Variants in FASN observed in about 807,000 individuals in gnomAD.
FASN encodes the protein 3-hydroxyacyl-[acyl-carrier-protein] dehydratase.
Under a neutral mutation model 250.0 loss-of-function variants are expected in FASN, and 50 were observed. The observed-to-expected ratio is 0.20, with a 90% CI of 0.16 to 0.25. The LOEUF (loss-of-function observed/expected upper bound fraction) is 0.25, where lower values mean the gene tolerates loss of function less well. FASN is among the 10% of genes least tolerant of loss of function. The pLI is 1.00. For synonymous variants in FASN, 1,909 were observed against 1,584.0 expected, an observed-to-expected ratio of 1.21 and a Z score of -4.87; for missense variants, 3,031 against 3,498.5, an observed-to-expected ratio of 0.87 and a Z score of 3.37.
chr17:82,091,626 T>C lies in FASN; in HGVS notation c.1088A>G (p.Asn363Ser), dbSNP rs1598582443. The change falls in exon 9 of 43, where the codon AAC becomes AGC. Residue 363 changes from asparagine (N) to serine (S), a missense_variant. Transcript: ENST00000306749. ...ATCCAACAGCGCTGGGATCTCAGGG[T>C]TGGGGCTATGGAAGTGCAGGTTGGG... is the stretch of plus-strand genomic sequence containing the variant. ...WAPNLHFHSP[N>S]PEIPALLDGR... 2 of 1,596,730 alleles carry C rather than the reference T, an allele frequency of 1.3e-6. No individual in the cohort carries two copies. The highest frequency in any genetic ancestry group is 8.5e-7 in the Non-Finnish European group (1 of 1,173,518).
In FASN at chr17:82,087,175, G is replaced by C; in HGVS notation, c.3302C>G (p.Ser1101Trp). 1.2e-6 allele frequency: 2 copies of C among 1,608,974 alleles called. No homozygotes were observed. The highest frequency in any genetic ancestry group is 2.2e-5 in the South Asian group (2 of 90,410). The change falls in exon 21 of 43, where the codon TCG becomes TGG. Residue 1101 changes from serine (S) to tryptophan (W), a missense_variant. Coordinates refer to ENST00000306749, the MANE Select transcript of FASN (RefSeq NM_004104.5). The part of the protein sequence containing the change: ...GVHISGLHTE[S>W]APRRQQEQQV... The stretch of plus-strand genomic sequence containing the variant: ...CTGCTCCTGCTGCCGCCGCGGGGCC[G>C]ACTCAGTGTGGAGCCCGGAGATGTG...
chr17:82,088,543 C>T lies in FASN; in HGVS notation c.2440G>A (p.Ala814Thr). The change falls in exon 16 of 43, where the codon GCC (alanine) becomes ACC (threonine). Residue 814 changes from alanine (A) to threonine (T), a missense_variant. By Grantham distance (58) the Ala-to-Thr change is moderately conservative. Transcript: ENST00000306749. ...GGGAACTCCACAGGTGGGAACAAGG[C>T]ATTGGGGTTGGCGTCGATGCTACGG... ...HLSGIDANPN[A>T]LFPPVEFPAP... The T allele has an allele frequency of 1.2e-6, 2 of 1,606,464 alleles. No individual in the cohort carries two copies. The highest frequency in any genetic ancestry group is 1.7e-6 in the Non-Finnish European group (2 of 1,175,626).
At chr17:82,084,476 G>C in intron 27 of FASN, 37 bp downstream of exon 27, 1 of 1,590,380 alleles carries the variant, frequency 6.3e-7, no homozygotes, top group Admixed American at 1.8e-5. Flanking sequence ...TCTGCTCCCC[G>C]GCCCAGTCCA....
rs756297486 is a variant in FASN, at chr17:82,092,731, A to G, written c.860T>C (p.Phe287Ser). Residue 287 changes from phenylalanine to serine, a missense_variant, in exon 7 of 43, where the codon TTT becomes TCT. Phe to Ser is a radical substitution (Grantham distance 155). Coordinates refer to ENST00000306749, the MANE Select transcript of FASN (RefSeq NM_004104.5). Reference protein sequence around the residue: ...YQSAGVAPESFEYIEAHGTGT... With the variant: ...YQSAGVAPESSEYIEAHGTGT... Reference sequence around the variant, plus strand: ...TGTGCCGTGGGCTTCGATGTATTCAAATGACTCAGGGGCCACTCCGGCCGA... The same window carrying G: ...TGTGCCGTGGGCTTCGATGTATTCAGATGACTCAGGGGCCACTCCGGCCGA... 6.2e-7 allele frequency: 1 copy of G among 1,602,832 alleles called. No homozygotes were observed. Among genetic ancestry groups the G allele is most frequent in the Non-Finnish European group, 8.5e-7 (1 of 1,176,872 alleles).
chr17:82,087,079 G>A lies in FASN; in HGVS notation c.3398C>T (p.Ala1133Val). The A allele has an allele frequency of 6.2e-7, 1 of 1,611,496 alleles. No homozygotes were observed. The highest frequency in any genetic ancestry group is 2.2e-5 in the East Asian group (1 of 44,876). ...TEEGCLSERA[A>V]LQEELQLCKG... ...GCACAGTTGCAGCTCCTCCTGCAGG[G>A]CAGCGCGCTCAGACAGGCACCCCTC... The change falls in exon 21 of 43, where the codon GCC (alanine) becomes GTC (valine). Residue 1133 changes from alanine (A) to valine (V), a missense_variant. Coordinates refer to ENST00000306749, the MANE Select transcript of FASN (RefSeq NM_004104.5).
At chr17:82,090,819 G>A in intron 10 of FASN, 63 bp downstream of exon 10, 1 of 1,530,524 alleles carries the variant, frequency 6.5e-7, no homozygotes, top group Non-Finnish European at 8.8e-7. Context: ...CAGCTCCTGG[G>A]CTCCAGGGAA....
At position 82,090,559 on chromosome 17, in the gene FASN, G is replaced by T; in HGVS notation, c.1686C>A (p.Gly562=). 1.9e-6 allele frequency: 3 copies of T among 1,610,548 alleles called. No homozygotes were observed. Among genetic ancestry groups the T allele is most frequent in the Non-Finnish European group, 1.7e-6 (2 of 1,178,870 alleles). The change falls in exon 11 of 43, where the codon GGC becomes GGA. Residue 562 remains glycine, a synonymous_variant. Transcript: ENST00000306749. ...SFVSLTAIQI[G]LIDLLSCMGL... is the part of the protein sequence containing the mutation. ...CCATGCAGCTCAGCAGGTCTATGAG[G>T]CCTATCTGGGGTGGGAACAGGACAC...
chr17:82,097,552 T>A (rs2034325845), intron 1 of FASN: 1 of 152,248 alleles, frequency 6.6e-6, no homozygotes, highest in South Asian at 2.1e-4. Flanking sequence ...CGCTGGGTCC[T>A]CGCCGCTTGC....
At chr17:82,082,484 G>A (rs1455254606) in intron 34 of FASN, 43 bp downstream of exon 34, 1 of 1,610,924 alleles carries the variant, frequency 6.2e-7, no homozygotes, top group African/African-American at 1.3e-5. Context: ...TCCCCCCCTT[G>A]GTCTTGGGGC....
chr17:82,079,518 G>GC lies in FASN; in HGVS notation c.7236_7237insG (p.Arg2413AlafsTer19), dbSNP rs2033950319. The GC allele has an allele frequency of 1.9e-6, 3 of 1,611,750 alleles. No homozygotes were observed. The highest frequency in any genetic ancestry group is 2.5e-6 in the Non-Finnish European group (3 of 1,179,976). ...CGGGCCGCAAAGCTCAGCTCCTGGC[G>GC]GTCCAGGCCCTGGTGGCTCTTGATG... On this transcript the variant is annotated frameshift_variant, in exon 42 of 43. Coordinates refer to ENST00000306749, the MANE Select transcript of FASN (RefSeq NM_004104.5). LOFTEE classifies it high-confidence loss of function.
At position 82,081,697 on chromosome 17, in the gene FASN, T is replaced by C. The variant is rs1356589443; in HGVS notation, c.6310A>G (p.Met2104Val). 25 of 1,612,714 alleles carry C rather than the reference T, an allele frequency of 1.6e-5. No individual in the cohort carries two copies. The highest frequency in any genetic ancestry group is 2.2e-5 in the South Asian group (2 of 91,076). Residue 2104 changes from methionine to valine, a missense_variant, in exon 37 of 43, where the codon ATG (methionine) becomes GTG (valine). Coordinates refer to ENST00000306749, the MANE Select transcript of FASN (RefSeq NM_004104.5). ...GCCAGCACAAAGCTGCTCAGGACCA[T>C]GTGGGGCTGGTTCAGGAAGAGGTCC... ...VLDLFLNQPH[M>V]VLSSFVLAEK...
chr17:82,083,727 CGGAGGCTAGGCA>C (rs2034034000), intron 30 of FASN, 33 bp downstream of exon 30: 1 of 1,609,478 alleles, frequency 6.2e-7, no homozygotes. Context: ...CTCCCTGGGC[CGGAGGCTAGGCA>C]GGAGGCAGGT....
chr17:82,084,162 G>C lies in FASN; in HGVS notation c.4920-9C>G. On this transcript the variant is annotated splice_polypyrimidine_tract_variant and intron_variant, in intron 28 of 42. Coordinates refer to ENST00000306749, the MANE Select transcript of FASN (RefSeq NM_004104.5). ...CCGCCTCCTCCAGCGTCCTGGGGATGCAGCAGGTGGGTCAGCACAGGCCTG... is the reference window on the plus strand; with the variant it reads ...CCGCCTCCTCCAGCGTCCTGGGGATCCAGCAGGTGGGTCAGCACAGGCCTG... 1 of 1,603,206 alleles carries C rather than the reference G, an allele frequency of 6.2e-7. No homozygotes were observed.
At position 82,083,999 on chromosome 17, in the gene FASN, C is replaced by T; in HGVS notation, c.5074G>A (p.Gly1692Ser). ...QAAIAIALSLGCRVFTTVGSA... is the reference protein window; with the variant it reads ...QAAIAIALSLSCRVFTTVGSA... Reference sequence around the variant, plus strand: ...CCCACGGTGGTGAAGACGCGGCAGCCCAGACTGAGGGCGATGGCGATGGCG... The same window carrying T: ...CCCACGGTGGTGAAGACGCGGCAGCTCAGACTGAGGGCGATGGCGATGGCG... The change falls in exon 29 of 43, where the codon GGC (glycine) becomes AGC (serine). Residue 1692 changes from glycine (G) to serine (S), a missense_variant. Physicochemically the swap from Gly to Ser is moderately conservative, Grantham distance 56 (BLOSUM62 0). Transcript: ENST00000306749. The T allele has an allele frequency of 1.9e-6, 3 of 1,539,290 alleles. No individual in the cohort carries two copies. The highest frequency in any genetic ancestry group is 2.6e-6 in the Non-Finnish European group (3 of 1,145,458).
In FASN at chr17:82,083,133, C is replaced by A; in HGVS notation, c.5566-18G>T. On this transcript the variant is annotated intron_variant, in intron 32 of 42. Transcript: ENST00000306749. ...GCAAGCACCTGCGTCCAAGCAGCACCCACCGGCTCAGGCACTGCCTGGGGA... is the reference window on the plus strand; with the variant it reads ...GCAAGCACCTGCGTCCAAGCAGCACACACCGGCTCAGGCACTGCCTGGGGA... 6.2e-7 allele frequency: 1 copy of A among 1,610,350 alleles called. No homozygotes were observed. The highest frequency in any genetic ancestry group is 8.5e-7 in the Non-Finnish European group (1 of 1,179,944).
Position 82,091,619 on chromosome 17 carries a change from C to T in FASN, c.1095G>A (p.Glu365=), listed in dbSNP as rs1170778956. Residue 365 remains glutamate (E), a synonymous_variant, in exon 9 of 43, where the codon GAG becomes GAA. Coordinates refer to ENST00000306749, the MANE Select transcript of FASN (RefSeq NM_004104.5). The part of the protein sequence containing the change: ...PNLHFHSPNP[E]IPALLDGRLQ... Reference sequence around the variant, plus strand: ...GCCGCCCATCCAACAGCGCTGGGATCTCAGGGTTGGGGCTATGGAAGTGCA... The same window carrying T: ...GCCGCCCATCCAACAGCGCTGGGATTTCAGGGTTGGGGCTATGGAAGTGCA... The T allele has an allele frequency of 1.9e-6, 3 of 1,596,280 alleles. No homozygotes were observed. The highest frequency in any genetic ancestry group is 1.1e-5 in the South Asian group (1 of 88,158).
At chr17:82,085,928 G>A in intron 22 of FASN, 57 bp from the exon 23 acceptor site, 2 of 1,464,678 alleles carry the variant, frequency 1.4e-6, no homozygotes, top group South Asian at 1.4e-5. Flanking sequence ...CCTGACCTGG[G>A]GCTGGGCAAA....
chr17:82,078,990 C>G lies in FASN; in HGVS notation c.*153G>C. On this transcript the variant is annotated 3_prime_UTR_variant, in exon 43 of 43. Transcript: ENST00000306749. The surrounding 1 kb of genome is among the most constrained non-coding windows in gnomAD (Gnocchi z 5.4). Reference sequence around the variant, plus strand: ...GAGGCGGCGGGTGGGTGGGACATGCCTAACACCTACATCTAGCAGCCTCGG... The same window carrying G: ...GAGGCGGCGGGTGGGTGGGACATGCGTAACACCTACATCTAGCAGCCTCGG... 1 of 943,906 alleles carries G rather than the reference C, an allele frequency of 1.1e-6. No homozygotes were observed. 58.5% of individuals were successfully genotyped at this position (943,906 alleles called of 1,614,324 possible). A position where few individuals can be genotyped will look rare whatever the true frequency, so the allele number is the denominator to read the frequency against.
chr17:82,090,828 A>G, intron 10 of FASN, 54 bp downstream of exon 10: 2 of 1,538,626 alleles, frequency 1.3e-6, no homozygotes, highest in Non-Finnish European at 1.8e-6. Flanking sequence ...GGCTCCAGGG[A>G]AAGCCAGAGC....
Sources: gnomAD v4.1 joint callset for allele counts on GRCh38, gnomAD v4.1.1 for gene constraint, Gnocchi (gnomAD v3.1) non-coding constraint, MANE v1.5 for transcripts, NCBI Gene and HGNC (gene_info 2026-07-23, HGNC 2026-07-21) for gene names.